The following KRT82 variants were observed in gnomAD, a reference collection of about 807,000 sequenced individuals.
KRT82 encodes keratin, type II cuticular Hb2.
A neutral mutation model predicts 48.0 loss-of-function variants in KRT82; 44 were observed. The observed-to-expected ratio is 0.92, with a 90% CI of 0.72 to 1.18. KRT82 has a LOEUF of 1.18. Ranked by LOEUF, KRT82 falls within the 50% of genes most tolerant of loss-of-function variation. The pLI is 0.00. For missense variants in KRT82, 701 were observed against 671.4 expected (o/e 1.04, Z -0.49); for synonymous variants, 297 against 278.3 (o/e 1.07, Z -0.67).
intron 6 of KRT82, among the ~76,000 whole-genome samples, chr12:52,396,543 T>A (rs183677912): frequency 6.6e-6 from 1 of 152,136 alleles, no homozygotes; most frequent in Admixed American, 6.5e-5. Context: ...CAACTGAGAG[T>A]CACCTTGAAT....
intron 6 of KRT82, among the ~76,000 whole-genome samples, 199 bp downstream of exon 6, chr12:52,396,684 G>A (rs555758414): frequency 6.6e-6 from 1 of 152,314 alleles, no homozygotes; most frequent in African/African-American, 2.4e-5. Context: ...TTGGGGACCT[G>A]ACTATTTCCT....
intron 3 of KRT82, among the ~76,000 whole-genome samples, chr12:52,401,022 T>G: frequency 6.6e-6 from 1 of 152,150 alleles, no homozygotes; most frequent in South Asian, 2.1e-4. Flanking sequence ...GGGTTAGACA[T>G]GACTTTAACC....
chr12:52,400,028 G>A lies in KRT82; in HGVS notation c.899C>T (p.Ala300Val), dbSNP rs769369608. ...AEIKAQYDDI[A>V]SRSKAEAEAW... ...CTCTGCTTCGGCTTTGCTGCGGCTGGCGATGTCGTCATACTGCGCCTTGAT... is the reference window on the plus strand; with the variant it reads ...CTCTGCTTCGGCTTTGCTGCGGCTGACGATGTCGTCATACTGCGCCTTGAT... The change falls in exon 5 of 9, where the codon GCC becomes GTC. Residue 300 changes from alanine to valine, a missense_variant. Ala to Val is a moderately conservative substitution (Grantham distance 64, BLOSUM62 0). Coordinates refer to ENST00000257974, the MANE Select transcript of KRT82 (RefSeq NM_033033.4). The A allele has an allele frequency of 5.6e-6, 9 of 1,614,066 alleles. No homozygotes were observed. In the African/African-American group the frequency reaches 9.3e-5, roughly 17 times the overall value.
chr12:52,400,231 C>T, intron 4 of KRT82, 82 bp from the exon 5 acceptor site: 1 of 1,402,486 alleles, frequency 7.1e-7, no homozygotes, highest in East Asian at 2.3e-5. Context: ...TTCTGACCTT[C>T]CCAGAGCAGA....
At position 52,395,030 on chromosome 12, in the gene KRT82, C is replaced by T. The variant is rs61730587; in HGVS notation, c.1487G>A (p.Arg496Gln). ...AGCTCCTAGCGTCATGCTGGATTTCCGCCCGCTCCCACAGCTCAGTAGCCC... is the reference window on the plus strand; with the variant it reads ...AGCTCCTAGCGTCATGCTGGATTTCTGCCCGCTCCCACAGCTCAGTAGCCC... ...PQGLLSCGSG[R>Q]KSSMTLGAGG... The change falls in exon 9 of 9, where the codon CGG becomes CAG. Residue 496 changes from arginine to glutamine, a missense_variant. Transcript: ENST00000257974. The T allele has an allele frequency of 0.011, 17,602 of 1,613,918 alleles. 136 individuals are homozygous for T. The highest frequency in any genetic ancestry group is 0.013 in the Non-Finnish European group (15,286 of 1,179,986).
chr12:52,397,683 C>T (rs1939733282), intron 5 of KRT82, among the ~76,000 whole-genome samples: 1 of 152,216 alleles, frequency 6.6e-6, no homozygotes, highest in Admixed American at 6.5e-5. Flanking sequence ...CACTCATTGG[C>T]TCTTTTGTTA....
At chr12:52,399,707 G>A (rs958122651) in intron 5 of KRT82, among the ~76,000 whole-genome samples, 5 of 152,224 alleles carry the variant, frequency 3.3e-5, no homozygotes, top group Admixed American at 1.3e-4. Flanking sequence ...CACTTCCAGT[G>A]AGTCTGCAGG....
intron 3 of KRT82, 92 bp from the exon 4 acceptor site, chr12:52,400,714 A>G: frequency 1.2e-6 from 1 of 860,990 alleles, no homozygotes; most frequent in African/African-American, 1.6e-5. Context: ...ACCTTTCCTC[A>G]CGAACACCCA....
At chr12:52,398,307 C>T (rs1939740655) in intron 5 of KRT82, among the ~76,000 whole-genome samples, 2 of 152,134 alleles carry the variant, frequency 1.3e-5, no homozygotes, top group South Asian at 4.2e-4. Context: ...GGAGGTGCTG[C>T]AGCTTTCTTG....
intron 2 of KRT82, among the ~76,000 whole-genome samples, chr12:52,402,835 G>A (rs1230029827): frequency 6.6e-6 from 1 of 152,170 alleles, no homozygotes; most frequent in Non-Finnish European, 1.5e-5. Flanking sequence ...ATGACCTGTT[G>A]CTCTCAGTAT....
intron 2 of KRT82, 48 bp downstream of exon 2, chr12:52,403,653 G>C (rs774513749): frequency 8.4e-6 from 10 of 1,186,840 alleles, no homozygotes; most frequent in Non-Finnish European, 1.1e-5. Context: ...GACTGTTTCT[G>C]TCCCTTGCCC....
chr12:52,401,244 C>G, intron 3 of KRT82, 45 bp downstream of exon 3: 1 of 1,571,244 alleles, frequency 6.4e-7, no homozygotes, highest in Non-Finnish European at 8.8e-7. Flanking sequence ...CCTGGGGCAA[C>G]GCAGGCCAGC....
intron 3 of KRT82, 142 bp downstream of exon 3, chr12:52,401,147 G>C: frequency 3.1e-6 from 2 of 635,176 alleles, no homozygotes; most frequent in Middle Eastern, 4.2e-4. Flanking sequence ...AGTTAGTGGG[G>C]CTGGCACAGG....
At chr12:52,404,004 C>T (rs991438111) in intron 1 of KRT82, 95 bp from the exon 2 acceptor site, 6 of 1,199,960 alleles carry the variant, frequency 5.0e-6, no homozygotes, top group Non-Finnish European at 4.7e-6. Context: ...TGTCTCCCAA[C>T]ACATGGCTAC....
In KRT82 at chr12:52,396,859, C is replaced by A. The variant is rs772971228; in HGVS notation, c.1068+24G>T. On this transcript the variant is annotated intron_variant, in intron 6 of 8. Coordinates refer to ENST00000257974, the MANE Select transcript of KRT82 (RefSeq NM_033033.4). ...AGTCAGCCCAGGATGGCTGTTGCAG[C>A]AAGGAAGTCCTCCCCAGCCTCACCT... 7 of 1,612,570 alleles carry A rather than the reference C, an allele frequency of 4.3e-6. No individual in the cohort carries two copies. In the Admixed American group the frequency reaches 1.2e-4, roughly 27 times the overall value.
In KRT82 at chr12:52,394,878, G is replaced by A. The variant is rs537120775; in HGVS notation, c.*97C>T. The A allele has an allele frequency of 5.8e-6, 6 of 1,034,252 alleles. No individual in the cohort carries two copies. The highest frequency in any genetic ancestry group is 5.6e-5 in the South Asian group (4 of 71,402). 64.1% of individuals were successfully genotyped at this position (1,034,252 alleles called of 1,614,324 possible). On this transcript the variant is annotated 3_prime_UTR_variant, in exon 9 of 9. Coordinates refer to ENST00000257974, the MANE Select transcript of KRT82 (RefSeq NM_033033.4). Reference sequence around the variant, plus strand: ...GGGAATGTGGAGTCAATAAAGGGAGGTGGGGTTTTGGAACATCCTTGTCTT... The same window carrying A: ...GGGAATGTGGAGTCAATAAAGGGAGATGGGGTTTTGGAACATCCTTGTCTT...
intron 8 of KRT82, 60 bp downstream of exon 8, chr12:52,395,699 G>A (rs931373839): frequency 1.5e-6 from 2 of 1,324,374 alleles, no homozygotes; most frequent in African/African-American, 1.5e-5. Context: ...TGGGCTGCCT[G>A]TGTTGGGGTG....
At position 52,395,009 on chromosome 12, in the gene KRT82, C is replaced by T; in HGVS notation, c.1508G>A (p.Gly503Glu). The change falls in exon 9 of 9, where the codon GGA becomes GAA. Residue 503 changes from glycine to glutamate, a missense_variant. Gly to Glu is a moderately conservative substitution (Grantham distance 98). Coordinates refer to ENST00000257974, the MANE Select transcript of KRT82 (RefSeq NM_033033.4). The stretch of plus-strand genomic sequence containing the variant: ...GTGGCTGGGGGAGCTGCCCCCAGCT[C>T]CTAGCGTCATGCTGGATTTCCGCCC... The part of the protein sequence containing the change: ...GSGRKSSMTL[G>E]AGGSSPSHKH The T allele has an allele frequency of 6.2e-7, 1 of 1,613,684 alleles. No individual in the cohort carries two copies. Among genetic ancestry groups the T allele is most frequent in the Non-Finnish European group, 8.5e-7 (1 of 1,179,966 alleles).
At chr12:52,404,454 A>G (rs563236711) in intron 1 of KRT82, among the ~76,000 whole-genome samples, 1 of 152,300 alleles carries the variant, frequency 6.6e-6, no homozygotes, top group African/African-American at 2.4e-5. Flanking sequence ...TGTATCTGAA[A>G]AAAGTCCAGG....
Sources: gnomAD v4.1 joint callset for allele counts (sites outside exome capture counted in the v4.1 genomes callset) on GRCh38, gnomAD v4.1.1 for gene constraint, MANE v1.5 for transcripts, NCBI Gene and HGNC (gene_info 2026-07-23, HGNC 2026-07-21) for gene names.